The following NELL1 variants were observed in gnomAD, a reference collection of about 807,000 sequenced individuals.
NELL1 encodes the protein neural EGFL like 1.
NELL1 carries 76 observed loss-of-function variants against 107.4 expected under a neutral mutation model. The ratio of observed to expected loss-of-function variants is 0.71; its 90% CI spans 0.59 to 0.86. The LOEUF is 0.86. Among genes scored for constraint, NELL1 ranks in the 40% least tolerant of loss-of-function variants. NELL1 has a pLI of 0.00. For missense variants in NELL1, 1,024 were observed against 1,005.5 expected (o/e 1.02, Z -0.25); for synonymous variants, 353 against 341.2 (o/e 1.03, Z -0.38).
chr11:20,864,000 C>T (rs1017805418), intron 4 of NELL1, among the ~76,000 whole-genome samples: 11 of 152,032 alleles, frequency 7.2e-5, no homozygotes, highest in African/African-American at 1.7e-4. Flanking sequence ...CGCAGGCACT[C>T]GGCAGGCTGA....
At chr11:21,561,844 A>T (rs1856857325) in intron 17 of NELL1, among the ~76,000 whole-genome samples, 1 of 152,030 alleles carries the variant, frequency 6.6e-6, no homozygotes, top group Admixed American at 6.6e-5. Context: ...ATTTAACCAC[A>T]TGGTGCTGAC....
At chr11:20,913,073 T>A (rs1850167399) in intron 5 of NELL1, among the ~76,000 whole-genome samples, 1 of 152,148 alleles carries the variant, frequency 6.6e-6, no homozygotes, top group Non-Finnish European at 1.5e-5. Flanking sequence ...TTTATTAACG[T>A]CTTCAGGGCA....
At position 20,748,872 on chromosome 11, in the gene NELL1, T is replaced by TCATCCATCCATC. The variant is rs59483612; in HGVS notation, c.185-34789_185-34778dup. ...CAATTGCGTATTGGAGCATATTCTA[T>TCATCCATCCATC]CATCCATCCATCCATCCATCCATCC... is the stretch of plus-strand genomic sequence containing the variant. On this transcript the variant is annotated intron_variant, in intron 2 of 19. Transcript: ENST00000357134. Among the ~76,000 whole-genome samples, 1,164 of 145,376 alleles carry TCATCCATCCATC rather than the reference T, an allele frequency of 8.0e-3. 11 individuals carry two copies. The highest frequency in any genetic ancestry group is 0.028 in the African/African-American group (1,071 of 37,810).
At chr11:20,756,420 G>A (rs1271235836) in intron 2 of NELL1, among the ~76,000 whole-genome samples, 10 of 151,468 alleles carry the variant, frequency 6.6e-5, no homozygotes, top group African/African-American at 2.4e-4. Context: ...CTCACTGAAA[G>A]CTCCGCCTCC....
At chr11:20,897,458 C>A (rs1590392671) in intron 5 of NELL1, among the ~76,000 whole-genome samples, 1 of 152,262 alleles carries the variant, frequency 6.6e-6, no homozygotes, top group South Asian at 2.1e-4. Context: ...ACCATAAAAA[C>A]CCTAGAAGAA....
At chr11:20,787,931 G>A (rs903756813) in intron 3 of NELL1, among the ~76,000 whole-genome samples, 1 of 152,072 alleles carries the variant, frequency 6.6e-6, no homozygotes, top group Non-Finnish European at 1.5e-5. Flanking sequence ...GCCTATTTTG[G>A]TTATTTCATA....
chr11:21,434,962 A>T (rs1445098797), intron 15 of NELL1, among the ~76,000 whole-genome samples: 2 of 152,072 alleles, frequency 1.3e-5, no homozygotes, highest in Non-Finnish European at 1.5e-5. Context: ...GGAATTTTTT[A>T]AAATTATGCT....
chr11:20,805,453 AT>A (rs1323695671), intron 3 of NELL1, among the ~76,000 whole-genome samples: 1 of 151,166 alleles, frequency 6.6e-6, no homozygotes, highest in African/African-American at 2.4e-5. Context: ...CTTGCTTTTA[AT>A]TTTTTGTGTG....
chr11:20,705,315 A>G (rs1285372992), intron 2 of NELL1, among the ~76,000 whole-genome samples: 1 of 152,112 alleles, frequency 6.6e-6, no homozygotes, highest in East Asian at 1.9e-4. Context: ...ACCAAAACAG[A>G]GATATAGACC....
At chr11:20,765,149 C>T (rs1260508578) in intron 2 of NELL1, among the ~76,000 whole-genome samples, 6 of 144,962 alleles carry the variant, frequency 4.1e-5, no homozygotes, top group Non-Finnish European at 8.9e-5. Context: ...CAGAGCAAGA[C>T]CCTGTCTTTG....
At chr11:20,850,904 A>G (rs1380263892) in intron 4 of NELL1, among the ~76,000 whole-genome samples, 1 of 152,194 alleles carries the variant, frequency 6.6e-6, no homozygotes, top group Non-Finnish European at 1.5e-5. Flanking sequence ...GCATATTTGG[A>G]AATAGAAAAG....
chr11:21,512,640 G>A (rs1437371628), intron 15 of NELL1, among the ~76,000 whole-genome samples: 1 of 152,120 alleles, frequency 6.6e-6, no homozygotes, highest in African/African-American at 2.4e-5. Context: ...ACAAATAGTA[G>A]TAGAATAAGT....
At chr11:20,874,892 A>T (rs1277667329) in intron 4 of NELL1, among the ~76,000 whole-genome samples, 1 of 152,202 alleles carries the variant, frequency 6.6e-6, no homozygotes, top group Non-Finnish European at 1.5e-5. Flanking sequence ...AGACCTTATT[A>T]TGGCCTCCCT....
In NELL1 at chr11:20,986,996, ATT is replaced by A. The variant is rs202037210; in HGVS notation, c.1300+26438_1300+26439del. On this transcript the variant is annotated intron_variant, in intron 12 of 19. Transcript: ENST00000357134. The stretch of plus-strand genomic sequence containing the variant: ...GAAGAATTATATATTTTAAAGAATT[ATT>A]TCAGAAGAAAACTAAAAACTTCAGA... Among the ~76,000 whole-genome samples the A allele has an allele frequency of 5.6e-3, 848 of 152,328 alleles. 11 individuals carry two copies. The highest frequency in any genetic ancestry group is 0.019 in the African/African-American group (804 of 41,584).
chr11:21,325,327 T>A (rs1850106685), intron 14 of NELL1, among the ~76,000 whole-genome samples: 2 of 152,070 alleles, frequency 1.3e-5, no homozygotes, highest in Admixed American at 1.3e-4. Context: ...TTCAGAGGAT[T>A]TTTTACCTTA....
intron 14 of NELL1, among the ~76,000 whole-genome samples, chr11:21,235,845 C>A (rs1250820562): frequency 2.0e-5 from 3 of 152,104 alleles, no homozygotes; most frequent in Non-Finnish European, 4.4e-5. Flanking sequence ...AAGGAGTGGG[C>A]TACAGAATAA....
At chr11:21,513,012 A>T (rs1396194032) in intron 15 of NELL1, among the ~76,000 whole-genome samples, 1 of 152,166 alleles carries the variant, frequency 6.6e-6, no homozygotes, top group Non-Finnish European at 1.5e-5. Context: ...TATTTCCCTA[A>T]TCAAAGCCAG....
intron 2 of NELL1, among the ~76,000 whole-genome samples, chr11:20,701,031 G>C (rs112518734): frequency 0.14 from 21,585 of 152,124 alleles, 1,697 homozygotes; most frequent in African/African-American, 0.2. Context: ...CTCAGTAATG[G>C]GATGGCTGGG....
At chr11:21,347,912 G>A (rs1252589199) in intron 14 of NELL1, among the ~76,000 whole-genome samples, 1 of 152,128 alleles carries the variant, frequency 6.6e-6, no homozygotes, top group South Asian at 2.1e-4. Context: ...AGGGGCGCAT[G>A]TCTGATTTGA....
Sources: gnomAD v4.1 joint callset for allele counts (sites outside exome capture counted in the v4.1 genomes callset) on GRCh38, gnomAD v4.1.1 for gene constraint, MANE v1.5 for transcripts, NCBI Gene and HGNC (gene_info 2026-07-23, HGNC 2026-07-21) for gene names.